Variants in LSAMP observed in about 807,000 individuals in gnomAD.
The protein encoded by LSAMP is limbic system-associated membrane protein.
A neutral mutation model predicts 38.6 loss-of-function variants in LSAMP; 7 were observed. The observed-to-expected ratio is 0.18, with a 90% CI of 0.10 to 0.34. LSAMP has a LOEUF of 0.34. LSAMP is among the 10% of genes least tolerant of loss of function. The probability of loss-of-function intolerance (pLI) is 1.00; values close to 1 mark genes in which losing one functional copy is unlikely to be tolerated. For missense variants in LSAMP, 313 were observed against 420.0 expected (o/e 0.75, Z 2.23); for synonymous variants, 154 against 166.8 (o/e 0.92, Z 0.59).
At chr3:116,178,557 G>C (rs1710408695) in intron 1 of LSAMP, among the ~76,000 whole-genome samples, 1 of 152,134 alleles carries the variant, frequency 6.6e-6, no homozygotes, top group South Asian at 2.1e-4. Flanking sequence ...TACAGAGAGA[G>C]TAGAAGGCAC....
chr3:116,120,414 G>A (rs1265754071), intron 1 of LSAMP, among the ~76,000 whole-genome samples: 3 of 151,952 alleles, frequency 2.0e-5, no homozygotes, highest in Admixed American at 1.3e-4. Context: ...AAAGAAGGAG[G>A]GAGGGAAGGA....
intron 1 of LSAMP, among the ~76,000 whole-genome samples, chr3:116,349,756 G>A (rs1357587435): frequency 3.3e-5 from 5 of 151,938 alleles, no homozygotes; most frequent in Admixed American, 1.3e-4. Flanking sequence ...CACACGCCTG[G>A]GATTTCCAAT....
intron 1 of LSAMP, among the ~76,000 whole-genome samples, chr3:116,255,046 C>G (rs1031098089): frequency 2.0e-5 from 3 of 152,062 alleles, no homozygotes; most frequent in Admixed American, 2.0e-4. Flanking sequence ...GTATTTCTGC[C>G]TGAGACATGA....
At chr3:115,886,051 A>T (rs1274669721) in intron 3 of LSAMP, among the ~76,000 whole-genome samples, 2 of 152,002 alleles carry the variant, frequency 1.3e-5, no homozygotes, top group African/African-American at 2.4e-5. Flanking sequence ...TCAGAGAACC[A>T]GGAGTTCTAG....
intron 1 of LSAMP, among the ~76,000 whole-genome samples, chr3:116,155,463 G>A (rs1161863685): frequency 6.6e-6 from 1 of 151,866 alleles, no homozygotes; most frequent in Admixed American, 6.6e-5. Context: ...CCTGACTTCA[G>A]GTGATCCACC....
chr3:115,819,394 C>T (rs944568250), intron 6 of LSAMP, among the ~76,000 whole-genome samples: 3 of 151,674 alleles, frequency 2.0e-5, no homozygotes, highest in Admixed American at 2.0e-4. Context: ...TGCACCACTG[C>T]TCTCCAGCCT....
At chr3:116,302,069 C>A (rs1028188365) in intron 1 of LSAMP, among the ~76,000 whole-genome samples, 1 of 152,108 alleles carries the variant, frequency 6.6e-6, no homozygotes, top group African/African-American at 2.4e-5. Flanking sequence ...ACTGTAGAGA[C>A]CATGGCAATC....
At chr3:116,116,520 C>T (rs1182903070) in intron 1 of LSAMP, among the ~76,000 whole-genome samples, 13 of 145,086 alleles carry the variant, frequency 9.0e-5, no homozygotes, top group Non-Finnish European at 1.5e-4. Context: ...CACGGTGAAA[C>T]CCCATCTCTA....
intron 3 of LSAMP, among the ~76,000 whole-genome samples, chr3:116,017,605 A>G (rs1016104436): frequency 2.6e-5 from 4 of 152,064 alleles, no homozygotes; most frequent in Non-Finnish European, 5.9e-5. Flanking sequence ...TAATTTATAT[A>G]TTTTTACAGA....
At chr3:116,066,149 T>C (rs948631766) in intron 2 of LSAMP, among the ~76,000 whole-genome samples, 9 of 152,112 alleles carry the variant, frequency 5.9e-5, no homozygotes, top group Admixed American at 5.9e-4. Context: ...TCCTGGTTCA[T>C]AGATGGCTGA....
At chr3:116,128,293 A>G (rs1299266536) in intron 1 of LSAMP, among the ~76,000 whole-genome samples, 1 of 152,224 alleles carries the variant, frequency 6.6e-6, no homozygotes, top group Non-Finnish European at 1.5e-5. Flanking sequence ...CCAAGAAAAC[A>G]AGGAAGATGA....
At chr3:116,423,588 A>C (rs2049158003) in intron 1 of LSAMP, among the ~76,000 whole-genome samples, 1 of 152,188 alleles carries the variant, frequency 6.6e-6, no homozygotes, top group Non-Finnish European at 1.5e-5. Flanking sequence ...ATCAGGACAA[A>C]GAAGCACCCA....
At chr3:116,248,477 ATGTGTG>A (rs3028670) in intron 1 of LSAMP, among the ~76,000 whole-genome samples, 7,816 of 140,872 alleles carry the variant, frequency 0.055, 363 homozygotes, top group East Asian at 0.1. Context: ...CCTGTCTCTA[ATGTGTG>A]TGTGTGTGTG....
chr3:116,158,753 T>C lies in LSAMP; in HGVS notation c.156-72197A>G, dbSNP rs116957475. On this transcript the variant is annotated intron_variant, in intron 1 of 6. Transcript: ENST00000490035. The stretch of plus-strand genomic sequence containing the variant: ...TGCTTATCAAGAGGAAGAATCAATA[T>C]AGTTAAAATGGTCATACTGCCCGAA... 7.2e-5 allele frequency among the ~76,000 whole-genome samples: 11 copies of C among 152,174 alleles called. No individual in the cohort carries two copies. In the East Asian group the frequency reaches 2.1e-3, roughly 30 times the overall value.
At chr3:116,371,646 C>A (rs1361898812) in intron 1 of LSAMP, among the ~76,000 whole-genome samples, 1 of 152,042 alleles carries the variant, frequency 6.6e-6, no homozygotes. Context: ...TGTGTGCTTT[C>A]ATCACTTCTA....
chr3:115,910,862 T>C (rs1937118863), intron 3 of LSAMP, among the ~76,000 whole-genome samples: 1 of 152,208 alleles, frequency 6.6e-6, no homozygotes, highest in African/African-American at 2.4e-5. Context: ...GGTTGCTGCA[T>C]CTGTCAGTAG....
intron 1 of LSAMP, among the ~76,000 whole-genome samples, chr3:116,315,898 T>C (rs1435241551): frequency 6.6e-6 from 1 of 152,188 alleles, no homozygotes; most frequent in Non-Finnish European, 1.5e-5. Context: ...AATAGTTAAA[T>C]TTTGGAATTT....
intron 3 of LSAMP, among the ~76,000 whole-genome samples, chr3:115,924,504 A>G (rs1353362087): frequency 1.3e-5 from 2 of 152,306 alleles, no homozygotes; most frequent in East Asian, 1.9e-4. Flanking sequence ...TGTTGCCTTC[A>G]TATTTACCAG....
intron 3 of LSAMP, among the ~76,000 whole-genome samples, chr3:115,985,063 G>A (rs1275567344): frequency 6.6e-6 from 1 of 152,126 alleles, no homozygotes; most frequent in Non-Finnish European, 1.5e-5. Flanking sequence ...AGGTATCAGA[G>A]CCAAAAGGCT....
Sources: gnomAD v4.1 joint callset for allele counts (sites outside exome capture counted in the v4.1 genomes callset) on GRCh38, gnomAD v4.1.1 for gene constraint, MANE v1.5 for transcripts, NCBI Gene and HGNC (gene_info 2026-07-23, HGNC 2026-07-21) for gene names.